CASD1: variants seen among roughly 807,000 people sequenced by gnomAD.
CASD1 encodes the protein N-acetylneuraminate (7)9-O-acetyltransferase.
CASD1 carries 41 observed loss-of-function variants against 100.0 expected under a neutral mutation model. The observed-to-expected ratio is 0.41, with a 90% CI of 0.32 to 0.53. The LOEUF (loss-of-function observed/expected upper bound fraction) is 0.53, where lower values mean the gene tolerates loss of function less well. CASD1 is among the 20% of genes least tolerant of loss of function. The pLI, the probability that CASD1 is intolerant of heterozygous loss-of-function variation, is 0.25. For synonymous variants in CASD1, 321 were observed against 315.6 expected (o/e 1.02, Z -0.18); for missense variants, 774 against 948.7 (o/e 0.82, Z 2.42).
chr7:94,564,942 CAT>C, the CASD1 span, among the ~76,000 whole-genome samples: 1 of 152,082 alleles, frequency 6.6e-6, no homozygotes, highest in South Asian at 2.1e-4. Flanking sequence ...CAGATCTGAA[CAT>C]AGTCTCAGAT....
the CASD1 span, among the ~76,000 whole-genome samples, chr7:94,595,897 C>T: frequency 4.6e-5 from 7 of 152,180 alleles, no homozygotes; most frequent in Admixed American, 2.0e-4. Flanking sequence ...AACACTGAAA[C>T]GACACCGAAT....
At chr7:94,513,558 CT>C (rs1007704342) in intron 1 of CASD1, among the ~76,000 whole-genome samples, 2 of 152,040 alleles carry the variant, frequency 1.3e-5, no homozygotes, top group Non-Finnish European at 2.9e-5. Context: ...TAGGTTTTTC[CT>C]TCAAGGCCTG....
the CASD1 span, chr7:94,629,787 C>A: frequency 6.2e-7 from 1 of 1,611,006 alleles, no homozygotes; most frequent in Non-Finnish European, 8.5e-7. Context: ...AAAGAGGACA[C>A]CTGCTGATGG....
the CASD1 span, among the ~76,000 whole-genome samples, chr7:94,565,602 C>T: frequency 6.6e-6 from 1 of 152,142 alleles, no homozygotes; most frequent in Non-Finnish European, 1.5e-5. Context: ...AAGGATGCTT[C>T]CCTCCACCAG....
intron 1 of CASD1, among the ~76,000 whole-genome samples, chr7:94,513,697 A>G (rs1342360053): frequency 6.6e-6 from 1 of 152,206 alleles, no homozygotes; most frequent in East Asian, 1.9e-4. Context: ...AGCTTCCAAG[A>G]GTATCTTACT....
the CASD1 span, among the ~76,000 whole-genome samples, chr7:94,579,100 A>ATGTT: frequency 6.6e-6 from 1 of 151,838 alleles, no homozygotes. Context: ...ATAATACACT[A>ATGTT]TGTTTTATTC....
At chr7:94,541,433 T>C (rs56383723) in intron 10 of CASD1, among the ~76,000 whole-genome samples, 2 of 151,516 alleles carry the variant, frequency 1.3e-5, no homozygotes, top group Non-Finnish European at 2.9e-5. Flanking sequence ...GTGTAAACAT[T>C]ATTTTAAAGT....
chr7:94,622,708 T>C, the CASD1 span: 4 of 151,958 alleles, frequency 2.6e-5, no homozygotes, highest in African/African-American at 9.7e-5. Context: ...GAGAGTGTAA[T>C]TCTGAGAATA....
At chr7:94,512,333 C>T (rs543155496) in intron 1 of CASD1, among the ~76,000 whole-genome samples, 1 of 152,270 alleles carries the variant, frequency 6.6e-6, no homozygotes, top group East Asian at 1.9e-4. Context: ...CCATCCTGGG[C>T]CTCCAGCAGC....
chr7:94,514,490 G>C (rs181931087), intron 1 of CASD1, among the ~76,000 whole-genome samples: 53 of 152,302 alleles, frequency 3.5e-4, no homozygotes, highest in Non-Finnish European at 6.8e-4. Context: ...TTTAGGTGCA[G>C]TGTGCCAGAG....
At chr7:94,596,530 C>T in the CASD1 span, among the ~76,000 whole-genome samples, 1 of 152,108 alleles carries the variant, frequency 6.6e-6, no homozygotes, top group South Asian at 2.1e-4. Flanking sequence ...CCTATTCTGA[C>T]CTTTTCCTAT....
chr7:94,590,309 C>T, the CASD1 span, among the ~76,000 whole-genome samples: 1 of 152,100 alleles, frequency 6.6e-6, no homozygotes, highest in African/African-American at 2.4e-5. Context: ...CCTTCCTATG[C>T]ATCCTCACTC....
chr7:94,523,357 A>G (rs1224486620), intron 3 of CASD1, among the ~76,000 whole-genome samples: 1 of 152,258 alleles, frequency 6.6e-6, no homozygotes, highest in Non-Finnish European at 1.5e-5. Flanking sequence ...AGATGTACAT[A>G]CAAAAATTGT....
At chr7:94,604,860 A>G in the CASD1 span, among the ~76,000 whole-genome samples, 4 of 63,482 alleles carry the variant, frequency 6.3e-5, no homozygotes, top group Non-Finnish European at 1.3e-4. Context: ...TATATATATA[A>G]TAGTTGTTAT....
At chr7:94,551,567 A>G in intron 15 of CASD1, 89 bp downstream of exon 15, 1 of 549,190 alleles carries the variant, frequency 1.8e-6, no homozygotes, top group African/African-American at 2.0e-5. Context: ...TTAATAATAA[A>G]TCTTTTTTTC....
At chr7:94,548,879 A>G (rs1212624945) in intron 13 of CASD1, among the ~76,000 whole-genome samples, 2 of 151,894 alleles carry the variant, frequency 1.3e-5, no homozygotes, top group Non-Finnish European at 2.9e-5. Context: ...CTGCCCCTTC[A>G]ATCCCAGATT....
In CASD1 at chr7:94,537,775, A is replaced by G; in HGVS notation, c.1147A>G (p.Met383Val). 3.7e-6 allele frequency: 6 copies of G among 1,613,572 alleles called. No individual in the cohort carries two copies. Among genetic ancestry groups the G allele is most frequent in the Non-Finnish European group, 5.1e-6 (6 of 1,179,716 alleles). ...TGGCCTGATTATGGCATATTTCTAT[A>G]TGTGTGACCGTGCAAATCTGTTCAT... ...KLGLIMAYFY[M>V]CDRANLFMKE... The change falls in exon 9 of 18, where the codon ATG becomes GTG. Residue 383 changes from methionine (M) to valine (V), a missense_variant. Transcript: ENST00000297273.
chr7:94,552,481 G>T (rs1584436107), intron 16 of CASD1, 54 bp downstream of exon 16: 2 of 1,343,960 alleles, frequency 1.5e-6, no homozygotes, highest in South Asian at 2.5e-5. Flanking sequence ...TAAGAAAATG[G>T]TTTTTAGAGG....
chr7:94,528,350 A>G, intron 5 of CASD1, 100 bp downstream of exon 5: 7 of 781,582 alleles, frequency 9.0e-6, no homozygotes, highest in East Asian at 2.7e-5. Flanking sequence ...ACTCTCCTAT[A>G]TTTTATACCT....
Sources: allele counts gnomAD v4.1 joint callset (sites outside exome capture counted in the v4.1 genomes callset), GRCh38; gene constraint gnomAD v4.1.1; transcripts MANE v1.5; gene names NCBI Gene and HGNC (gene_info 2026-07-23, HGNC 2026-07-21).